Variants in MYO18B observed in about 807,000 individuals in gnomAD.
MYO18B encodes unconventional myosin-XVIIIb.
Under a neutral mutation model 273.0 loss-of-function variants are expected in MYO18B, and 204 were observed. The ratio of observed to expected loss-of-function variants is 0.75; its 90% confidence interval spans 0.67 to 0.84. The LOEUF is 0.84. Among genes scored for constraint, MYO18B ranks in the 40% least tolerant of loss-of-function variants. The probability of loss-of-function intolerance (pLI) is 0.00; values close to 1 mark genes in which losing one functional copy is unlikely to be tolerated. For missense variants in MYO18B, 3,212 were observed against 3,287.6 expected (o/e 0.98, Z 0.56); for synonymous variants, 1,330 against 1,305.7 (o/e 1.02, Z -0.40).
At chr22:25,927,002 T>C (rs2092430934) in intron 34 of MYO18B, among the ~76,000 whole-genome samples, 2 of 152,214 alleles carry the variant, frequency 1.3e-5, no homozygotes, top group East Asian at 3.8e-4. Flanking sequence ...CCCCAGTCAG[T>C]ACCCTTGTGA....
chr22:26,004,866 C>G lies in MYO18B; in HGVS notation c.6470+11C>G. 10 of 1,613,362 alleles carry G rather than the reference C, an allele frequency of 6.2e-6. No individual in the cohort carries two copies. The highest frequency in any genetic ancestry group is 8.5e-6 in the Non-Finnish European group (10 of 1,179,572). On this transcript the variant is annotated intron_variant, in intron 42 of 43. Coordinates refer to ENST00000335473, the MANE Select transcript of MYO18B (RefSeq NM_032608.7). Reference sequence around the variant, plus strand: ...CATCCTCAGCCCCAGGTAAGAGTATCTCCTTGCTGCCTCTGGATGGCTAAT... The same window carrying G: ...CATCCTCAGCCCCAGGTAAGAGTATGTCCTTGCTGCCTCTGGATGGCTAAT...
chr22:26,000,581 C>CTT (rs59924200), intron 40 of MYO18B, among the ~76,000 whole-genome samples: 5,347 of 144,192 alleles, frequency 0.037, 94 homozygotes, highest in Middle Eastern at 0.054. Context: ...GCCTGAAAGC[C>CTT]TTTTTTTTTT....
At chr22:25,986,008 T>C (rs6004872) in intron 39 of MYO18B, among the ~76,000 whole-genome samples, 4,479 of 152,284 alleles carry the variant, frequency 0.029, 219 homozygotes, top group African/African-American at 0.1. Context: ...CCTCGGACAA[T>C]TTGAAGGAAG....
intron 33 of MYO18B, among the ~76,000 whole-genome samples, chr22:25,918,989 A>G (rs998958896): frequency 2.6e-5 from 4 of 152,182 alleles, no homozygotes; most frequent in African/African-American, 9.7e-5. Context: ...GCTCTTTCAT[A>G]TCAGTTGTTC....
intron 39 of MYO18B, among the ~76,000 whole-genome samples, chr22:25,985,073 C>G (rs962285979): frequency 6.6e-6 from 1 of 152,132 alleles, no homozygotes; most frequent in Non-Finnish European, 1.5e-5. Flanking sequence ...AATTTGGGAC[C>G]TTTGATGAGT....
intron 42 of MYO18B, among the ~76,000 whole-genome samples, chr22:26,017,171 CTCCT>C (rs1289865980): frequency 2.0e-4 from 28 of 142,288 alleles, no homozygotes; most frequent in East Asian, 8.5e-4. Flanking sequence ...CCTTCCCTTG[CTCCT>C]TCCTTCCTTC....
At chr22:25,821,790 CA>C (rs1373296683) in intron 12 of MYO18B, among the ~76,000 whole-genome samples, 1 of 151,868 alleles carries the variant, frequency 6.6e-6, no homozygotes, top group East Asian at 1.9e-4. Flanking sequence ...CAAAACAGAA[CA>C]AAACAAAACA....
At chr22:26,035,746 A>G (rs1936766139), downstream of MYO18B, among the ~76,000 whole-genome samples, 1 of 152,206 alleles carries the variant, frequency 6.6e-6, no homozygotes, top group South Asian at 2.1e-4. Context: ...TCAACCAACT[A>G]AAGTTAGGGG....
Position 26,030,459 on chromosome 22 carries a change from C to G in MYO18B, c.*29C>G, listed in dbSNP as rs1036802452. On this transcript the variant is annotated 3_prime_UTR_variant, in exon 44 of 44. Transcript: ENST00000335473. ...TGCTTCCAGCCTCCTTGAAGCTGCCCTTGAAGACTTCCCGACTCTACAATA... is the reference window on the plus strand; with the variant it reads ...TGCTTCCAGCCTCCTTGAAGCTGCCGTTGAAGACTTCCCGACTCTACAATA... 1.9e-5 allele frequency: 3 copies of G among 155,822 alleles called. No homozygotes were observed. The highest frequency in any genetic ancestry group is 7.2e-5 in the African/African-American group (3 of 41,602). The allele number at this position is 155,822 out of a possible 1,614,324, so 9.7% of individuals were successfully genotyped here.
intron 42 of MYO18B, among the ~76,000 whole-genome samples, chr22:26,010,802 C>A (rs976949305): frequency 1.3e-5 from 2 of 152,084 alleles, no homozygotes; most frequent in Non-Finnish European, 2.9e-5. Context: ...AAACTCACAG[C>A]AGAAAACCAT....
chr22:26,016,102 C>T (rs1178088057), intron 42 of MYO18B, among the ~76,000 whole-genome samples: 1 of 152,186 alleles, frequency 6.6e-6, no homozygotes, highest in African/African-American at 2.4e-5. Context: ...TTTCACCATA[C>T]TCTGGTGAGA....
In MYO18B at chr22:25,874,333, G is replaced by T. The variant is rs1042600587; in HGVS notation, c.3999G>T (p.Glu1333Asp). Reference protein sequence around the residue: ...GVISRLEKQREKLVSQSIVLF... With the variant: ...GVISRLEKQRDKLVSQSIVLF... ...TCTCCAGGCTTGAGAAGCAGCGAGAGAAGCTGGTATCTCAGAGCATCGTTC... is the reference window on the plus strand; with the variant it reads ...TCTCCAGGCTTGAGAAGCAGCGAGATAAGCTGGTATCTCAGAGCATCGTTC... The change falls in exon 23 of 44, where the codon GAG becomes GAT. Residue 1333 changes from glutamate (E) to aspartate (D), a missense_variant. Coordinates refer to ENST00000335473, the MANE Select transcript of MYO18B (RefSeq NM_032608.7). The T allele has an allele frequency of 6.2e-7, 1 of 1,613,976 alleles. No homozygotes were observed. Among genetic ancestry groups the T allele is most frequent in the African/African-American group, 1.3e-5 (1 of 75,036 alleles).
chr22:25,843,802 C>G lies in MYO18B; in HGVS notation c.3276C>G (p.Asp1092Glu). ...QCEIFHQLGWDPVRYDLTGWL... is the reference protein window; with the variant it reads ...QCEIFHQLGWEPVRYDLTGWL... Reference sequence around the variant, plus strand: ...AGATTTTCCACCAGTTGGGATGGGACCCTGTGCGGTACGACCTCACGGGCT... The same window carrying G: ...AGATTTTCCACCAGTTGGGATGGGAGCCTGTGCGGTACGACCTCACGGGCT... Residue 1092 changes from aspartate to glutamate, a missense_variant, in exon 18 of 44, where the codon GAC becomes GAG. Asp to Glu is a conservative substitution (Grantham distance 45). Coordinates refer to ENST00000335473, the MANE Select transcript of MYO18B (RefSeq NM_032608.7). 6.2e-7 allele frequency: 1 copy of G among 1,613,942 alleles called. No individual in the cohort carries two copies. Among genetic ancestry groups the G allele is most frequent in the East Asian group, 2.2e-5 (1 of 44,878 alleles).
rs184573137 is a variant in MYO18B at position 25,767,020 on chromosome 22, G to T, written c.199-1095G>T. ...ACTGGTTTGAATGCAAGAGGAGGGG[G>T]AGAATCCCAGATTCCCAGGCATGGG... On this transcript the variant is annotated intron_variant, in intron 3 of 43. Transcript: ENST00000335473. 1.9e-3 allele frequency among the ~76,000 whole-genome samples: 295 copies of T among 152,350 alleles called. 1 individual carries two copies. Among genetic ancestry groups the T allele is most frequent in the African/African-American group, 6.6e-3 (275 of 41,572 alleles).
In MYO18B at chr22:25,769,150, A is replaced by G; in HGVS notation, c.1234A>G (p.Thr412Ala). 2.5e-6 allele frequency: 4 copies of G among 1,613,446 alleles called. No individual in the cohort carries two copies. Among genetic ancestry groups the G allele is most frequent in the Non-Finnish European group, 3.4e-6 (4 of 1,179,698 alleles). Residue 412 changes from threonine to alanine, a missense_variant, in exon 4 of 44, where the codon ACA becomes GCA. Thr to Ala is a moderately conservative substitution (Grantham distance 58). Transcript: ENST00000335473. Reference sequence around the variant, plus strand: ...GAACGCAGGTGAAGCTCGGAGTCAGACAGAGAAGGGCTGTGAAGCCCCAAA... The same window carrying G: ...GAACGCAGGTGAAGCTCGGAGTCAGGCAGAGAAGGGCTGTGAAGCCCCAAA... ...SGNAGEARSQ[T>A]EKGCEAPKEV...
At chr22:25,886,509 G>T (rs778330996) in intron 25 of MYO18B, among the ~76,000 whole-genome samples, 1 of 152,196 alleles carries the variant, frequency 6.6e-6, no homozygotes, top group Non-Finnish European at 1.5e-5. Flanking sequence ...CAGGTTGAAG[G>T]GGGTGGGAGT....
intron 21 of MYO18B, among the ~76,000 whole-genome samples, chr22:25,852,194 G>A (rs972059315): frequency 3.3e-5 from 5 of 152,152 alleles, no homozygotes; most frequent in Non-Finnish European, 7.3e-5. Flanking sequence ...GCCTTTGCAC[G>A]AGCTGTTTTC....
In MYO18B at chr22:25,903,772, G is replaced by A. The variant is rs767738410; in HGVS notation, c.5089G>A (p.Ala1697Thr). The change falls in exon 31 of 44, where the codon GCC (alanine) becomes ACC (threonine). Residue 1697 changes from alanine to threonine, a missense_variant. Transcript: ENST00000335473. ...KERLWKLESS[A>T]LEQQKIQSQQ... is the part of the protein sequence containing the mutation. ...GAGGCTCTGGAAGTTGGAATCCAGC[G>A]CCCTTGAGCAACAGAAAATCCAGAG... is the stretch of plus-strand genomic sequence containing the variant. 7.5e-6 allele frequency: 12 copies of A among 1,603,832 alleles called. No individual in the cohort carries two copies. The highest frequency in any genetic ancestry group is 1.7e-5 in the Admixed American group (1 of 58,774).
At chr22:25,854,267 C>T (rs1404370445) in intron 21 of MYO18B, among the ~76,000 whole-genome samples, 2 of 152,112 alleles carry the variant, frequency 1.3e-5, no homozygotes, top group Admixed American at 6.5e-5. Context: ...ACAAAAATAG[C>T]ATATGTCTTT....
Sources: allele counts gnomAD v4.1 joint callset (sites outside exome capture counted in the v4.1 genomes callset), GRCh38; gene constraint gnomAD v4.1.1; transcripts MANE v1.5; gene names NCBI Gene and HGNC (gene_info 2026-07-23, HGNC 2026-07-21).